CMYA5: variants seen among roughly 807,000 people sequenced by gnomAD.
CMYA5 encodes the protein cardiomyopathy-associated protein 5.
Under a neutral mutation model 318.9 loss-of-function variants are expected in CMYA5, and 246 were observed. That is an observed-to-expected ratio of 0.77 (90% CI 0.70 to 0.86). The LOEUF (loss-of-function observed/expected upper bound fraction) is 0.86. Ranked by LOEUF, CMYA5 falls within the 40% of genes least tolerant of loss-of-function variation. The pLI, the probability that CMYA5 is intolerant of heterozygous loss-of-function variation, is 0.00. For missense variants in CMYA5, 4,589 were observed against 4,678.2 expected, an observed-to-expected ratio of 0.98 and a Z score of 0.56; for synonymous variants, 1,641 against 1,729.5, an observed-to-expected ratio of 0.95 and a Z score of 1.27.
chr5:79,721,013 C>T (rs954321818), intron 1 of CMYA5, among the ~76,000 whole-genome samples: 5 of 151,938 alleles, frequency 3.3e-5, no homozygotes, highest in African/African-American at 1.2e-4. Context: ...TACATAAGGA[C>T]GTGTAAGTTG....
At chr5:79,702,877 C>T (rs554543685) in intron 1 of CMYA5, among the ~76,000 whole-genome samples, 1 of 152,320 alleles carries the variant, frequency 6.6e-6, no homozygotes, top group South Asian at 2.1e-4. Context: ...CCAGCAGTTC[C>T]ATATTGCAGC....
At chr5:79,719,526 A>T (rs954561700) in intron 1 of CMYA5, among the ~76,000 whole-genome samples, 8 of 152,198 alleles carry the variant, frequency 5.3e-5, no homozygotes, top group African/African-American at 1.7e-4. Context: ...TACTAATACA[A>T]CTCACAAAAA....
Position 79,735,323 on chromosome 5 carries a change from T to C in CMYA5, c.6558T>C (p.Phe2186=). 1 of 1,613,828 alleles carries C rather than the reference T, an allele frequency of 6.2e-7. No homozygotes were observed. The highest frequency in any genetic ancestry group is 2.2e-5 in the East Asian group (1 of 44,870). Residue 2186 remains phenylalanine (F), a synonymous_variant, in exon 2 of 13, where the codon TTT becomes TTC. Transcript: ENST00000446378. ...SSFKSWMSSL[F]FGSSTPDNKV... is the part of the protein sequence containing the mutation. ...TCAAATCGTGGATGTCCAGCTTGTTTTTTGGATCGAGCACTCCAGATAACA... is the reference window on the plus strand; with the variant it reads ...TCAAATCGTGGATGTCCAGCTTGTTCTTTGGATCGAGCACTCCAGATAACA...
At position 79,732,640 on chromosome 5, in the gene CMYA5, G is replaced by T. The variant is rs1188954607; in HGVS notation, c.3875G>T (p.Gly1292Val). 2 of 1,613,456 alleles carry T rather than the reference G, an allele frequency of 1.2e-6. No individual in the cohort carries two copies. The highest frequency in any genetic ancestry group is 1.7e-6 in the Non-Finnish European group (2 of 1,179,734). The change falls in exon 2 of 13, where the codon GGA becomes GTA. Residue 1292 changes from glycine to valine, a missense_variant. Physicochemically the swap from Gly to Val is moderately radical, Grantham distance 109 (BLOSUM62 -3). Transcript: ENST00000446378. The part of the protein sequence containing the change: ...YSPLKETSLS[G>V]PEALSAVKME... ...CCTCTAAAGGAAACATCTTTATCTG[G>T]ACCTGAGGCTTTATCAGCAGTGAAA... is the stretch of plus-strand genomic sequence containing the variant.
intron 1 of CMYA5, among the ~76,000 whole-genome samples, chr5:79,713,138 G>A (rs2151078903): frequency 1.3e-5 from 2 of 152,262 alleles, no homozygotes; most frequent in Middle Eastern, 6.8e-3. Flanking sequence ...TCTCACTCTT[G>A]AGTCTGCCTT....
At position 79,763,138 on chromosome 5, in the gene CMYA5, C is replaced by T. The variant is rs779285430; in HGVS notation, c.11484C>T (p.Thr3828=). The T allele has an allele frequency of 2.5e-6, 4 of 1,579,810 alleles. No individual in the cohort carries two copies. Among genetic ancestry groups the T allele is most frequent in the Non-Finnish European group, 3.4e-6 (4 of 1,163,826 alleles). ...CAGCCACTATCCGATGGCGGCCCAC[C>T]ACCCCAGAGGCCACGGAGACCTACA... ...WNTATIRWRP[T]TPEATETYTL... is the part of the protein sequence containing the mutation. The change falls in exon 9 of 13, where the codon ACC becomes ACT. Residue 3828 remains threonine, a synonymous_variant. Coordinates refer to ENST00000446378, the MANE Select transcript of CMYA5 (RefSeq NM_153610.5).
chr5:79,721,413 G>T (rs138727110), intron 1 of CMYA5, among the ~76,000 whole-genome samples: 4 of 151,916 alleles, frequency 2.6e-5, no homozygotes, highest in Admixed American at 2.0e-4. Flanking sequence ...TAATAAGATG[G>T]CAAATTTAAC....
At chr5:79,762,146 GA>G (rs1828665378) in intron 8 of CMYA5, 189 bp downstream of exon 8, 2 of 530,638 alleles carry the variant, frequency 3.8e-6, no homozygotes, top group African/African-American at 1.9e-5. Flanking sequence ...TGGGGAGATG[GA>G]AAAACAGAGG....
chr5:79,759,465 G>A (rs1828604210), intron 7 of CMYA5, among the ~76,000 whole-genome samples: 1 of 152,246 alleles, frequency 6.6e-6, no homozygotes, highest in Non-Finnish European at 1.5e-5. Flanking sequence ...TAGGTATGGT[G>A]TAGTCTTCCT....
At position 79,731,950 on chromosome 5, in the gene CMYA5, A is replaced by G. The variant is rs374011785; in HGVS notation, c.3185A>G (p.Gln1062Arg). The change falls in exon 2 of 13, where the codon CAG becomes CGG. Residue 1062 changes from glutamine to arginine, a missense_variant. Gln to Arg is a conservative substitution (Grantham distance 43). This residue lies in a region of CMYA5 where 2,132 missense variants were observed against 2,131.3 expected (regional missense o/e 1.00). Transcript: ENST00000446378. ...GTATCTGAGCAGTTCAGTTCATCACAGAAGCAAAAAGCTGAAACTTTCCCT... is the reference window on the plus strand; with the variant it reads ...GTATCTGAGCAGTTCAGTTCATCACGGAAGCAAAAAGCTGAAACTTTCCCT... Reference protein sequence around the residue: ...TPVSEQFSSSQKQKAETFPLM... With the variant: ...TPVSEQFSSSRKQKAETFPLM... 16 of 1,613,204 alleles carry G rather than the reference A, an allele frequency of 9.9e-6. No individual in the cohort carries two copies. Among genetic ancestry groups the G allele is most frequent in the Non-Finnish European group, 1.4e-5 (16 of 1,179,674 alleles).
intron 1 of CMYA5, among the ~76,000 whole-genome samples, chr5:79,708,776 CAG>C (rs1288644403): frequency 2.1e-5 from 3 of 145,554 alleles, no homozygotes; most frequent in Admixed American, 6.8e-5. Context: ...CTACTAAAAA[CAG>C]AAAAAAGTTA....
chr5:79,799,307 C>A, intron 12 of CMYA5, 63 bp from the exon 13 acceptor site: 1 of 1,519,850 alleles, frequency 6.6e-7, no homozygotes, highest in Non-Finnish European at 8.9e-7. Flanking sequence ...TCCCAAGTGA[C>A]TTTCCTTTTC....
rs760932440 is a variant in CMYA5, at chr5:79,738,781, CG to C, written c.10018del (p.Val3340PhefsTer32). 3 of 1,613,716 alleles carry C rather than the reference CG, an allele frequency of 1.9e-6. No individual in the cohort carries two copies. Among genetic ancestry groups the C allele is most frequent in the African/African-American group, 2.7e-5 (2 of 74,876 alleles). ...VRVATQKISY[A>X]VPFEDTHHVL... ...GTGGCTACCCAGAAAATAAGTTATG[CG>C]GTTCCATTTGAAGACACCCATCATG... On this transcript the variant is annotated frameshift_variant, in exon 2 of 13. Coordinates refer to ENST00000446378, the MANE Select transcript of CMYA5 (RefSeq NM_153610.5). LOFTEE classifies it high-confidence loss of function.
chr5:79,789,153 C>T (rs1024351105), intron 10 of CMYA5, 49 bp downstream of exon 10: 1 of 1,605,252 alleles, frequency 6.2e-7, no homozygotes, highest in South Asian at 1.1e-5. Flanking sequence ...TATTTCTTCC[C>T]TTCCACCCCT....
chr5:79,796,672 T>C (rs1829282593), intron 12 of CMYA5, among the ~76,000 whole-genome samples: 1 of 152,226 alleles, frequency 6.6e-6, no homozygotes, highest in Non-Finnish European at 1.5e-5. Flanking sequence ...AGTGCTGGGA[T>C]TACAGGCCTG....
intron 1 of CMYA5, among the ~76,000 whole-genome samples, chr5:79,709,180 A>C (rs1827334048): frequency 6.6e-6 from 1 of 152,186 alleles, no homozygotes; most frequent in African/African-American, 2.4e-5. Flanking sequence ...ACTGATAGGA[A>C]TGCAAATTAA....
chr5:79,731,982 T>C lies in CMYA5; in HGVS notation c.3217T>C (p.Ser1073Pro). 1 of 1,613,744 alleles carries C rather than the reference T, an allele frequency of 6.2e-7. No individual in the cohort carries two copies. The highest frequency in any genetic ancestry group is 8.5e-7 in the Non-Finnish European group (1 of 1,179,816). The change falls in exon 2 of 13, where the codon TCT (serine) becomes CCT (proline). Residue 1073 changes from serine (S) to proline (P), a missense_variant. Ser to Pro is a moderately conservative substitution (Grantham distance 74). Transcript: ENST00000446378. ...KQKAETFPLM[S>P]PLEDLSLPPS... is the part of the protein sequence containing the mutation. ...AAAAGCTGAAACTTTCCCTTTGATG[T>C]CTCCGCTTGAAGACTTAAGTCTGCC...
intron 1 of CMYA5, among the ~76,000 whole-genome samples, chr5:79,721,339 AC>A (rs1256515699): frequency 6.6e-6 from 1 of 152,110 alleles, no homozygotes; most frequent in Non-Finnish European, 1.5e-5. Flanking sequence ...AAATAAAAAA[AC>A]AAAATAAGGC....
chr5:79,733,522 T>C lies in CMYA5; in HGVS notation c.4757T>C (p.Leu1586Pro), dbSNP rs1580770218. 5.6e-6 allele frequency: 9 copies of C among 1,613,932 alleles called. No individual in the cohort carries two copies. The highest frequency in any genetic ancestry group is 2.7e-5 in the African/African-American group (2 of 75,050). Reference sequence around the variant, plus strand: ...TCAGGTTTAGCCCCAACATTACTGCTCCTCAGTGATGATAAGAACAAACCG... The same window carrying C: ...TCAGGTTTAGCCCCAACATTACTGCCCCTCAGTGATGATAAGAACAAACCG... The part of the protein sequence containing the change: ...LASGLAPTLL[L>P]LSDDKNKPAV... The change falls in exon 2 of 13, where the codon CTC (leucine) becomes CCC (proline). Residue 1586 changes from leucine to proline, a missense_variant. Physicochemically the swap from Leu to Pro is moderately conservative, Grantham distance 98. Transcript: ENST00000446378.
Sources: gnomAD v4.1 joint callset for allele counts (sites outside exome capture counted in the v4.1 genomes callset) on GRCh38, gnomAD v4.1.1 for gene constraint, gnomAD v4.1.1 regional missense constraint, MANE v1.5 for transcripts, NCBI Gene and HGNC (gene_info 2026-07-23, HGNC 2026-07-21) for gene names.